The following FGF12 variants were observed in gnomAD, a reference collection of about 807,000 sequenced individuals.
FGF12 encodes the protein fibroblast growth factor 12B.
A neutral mutation model predicts 23.6 loss-of-function variants in FGF12; 14 were observed. The observed-to-expected ratio is 0.59, with a 90% confidence interval of 0.39 to 0.93. The LOEUF is 0.93. FGF12 is among the 40% of genes least tolerant of loss of function. The probability of loss-of-function intolerance (pLI) is 0.00; values close to 1 mark genes in which losing one functional copy is unlikely to be tolerated. For missense variants in FGF12, 175 were observed against 217.8 expected (o/e 0.80, Z 1.24); for synonymous variants, 62 against 77.3 (o/e 0.80, Z 1.04).
intron 4 of FGF12, among the ~76,000 whole-genome samples, chr3:192,302,861 A>G (rs1472076256): frequency 6.6e-6 from 1 of 152,200 alleles, no homozygotes; most frequent in Non-Finnish European, 1.5e-5. Flanking sequence ...ACAGACTATG[A>G]TAAGTAAAGG....
At chr3:192,407,671 G>A (rs913580408) in intron 2 of FGF12, among the ~76,000 whole-genome samples, 3 of 151,466 alleles carry the variant, frequency 2.0e-5, no homozygotes, top group Admixed American at 2.0e-4. Flanking sequence ...ATAGATGCAT[G>A]GATGGATGGA....
intron 4 of FGF12, among the ~76,000 whole-genome samples, chr3:192,235,632 GT>G (rs1719254635): frequency 6.6e-6 from 1 of 152,094 alleles, no homozygotes; most frequent in South Asian, 2.1e-4. Context: ...TCTTCTAGGT[GT>G]TTTAGTTGGT....
intron 4 of FGF12, among the ~76,000 whole-genome samples, chr3:192,322,561 A>T (rs1298056576): frequency 2.6e-5 from 4 of 151,900 alleles, no homozygotes; most frequent in South Asian, 2.1e-4. Context: ...AAAAAAATTA[A>T]AAACTGAGAG....
At chr3:192,323,438 C>G (rs943449658) in intron 4 of FGF12, among the ~76,000 whole-genome samples, 1 of 152,042 alleles carries the variant, frequency 6.6e-6, no homozygotes, top group Admixed American at 6.6e-5. Flanking sequence ...GAAGATGTTA[C>G]GTTAAGTGAA....
intron 2 of FGF12, among the ~76,000 whole-genome samples, chr3:192,661,001 T>A (rs1045281620): frequency 1.1e-4 from 17 of 151,266 alleles, no homozygotes; most frequent in African/African-American, 3.9e-4. Context: ...AAAATAATAA[T>A]TTAATATTAA....
At chr3:192,429,823 GA>G (rs1721807634) in intron 2 of FGF12, among the ~76,000 whole-genome samples, 1 of 151,974 alleles carries the variant, frequency 6.6e-6, no homozygotes, top group Admixed American at 6.6e-5. Flanking sequence ...TATTTTGCTA[GA>G]AAATACTCTC....
chr3:192,717,476 G>C (rs1357774581), intron 2 of FGF12, among the ~76,000 whole-genome samples: 1 of 152,136 alleles, frequency 6.6e-6, no homozygotes, highest in Admixed American at 6.5e-5. Context: ...TCCTTTCAAT[G>C]TTTGACATGA....
At chr3:192,183,133 G>C (rs570663024) in intron 4 of FGF12, among the ~76,000 whole-genome samples, 2 of 152,268 alleles carry the variant, frequency 1.3e-5, no homozygotes, top group South Asian at 4.1e-4. Context: ...CTGAGATATT[G>C]ATGTGAGTAC....
intron 2 of FGF12, among the ~76,000 whole-genome samples, chr3:192,694,651 T>C (rs944095146): frequency 1.3e-5 from 2 of 151,776 alleles, no homozygotes; most frequent in Admixed American, 1.3e-4. Flanking sequence ...TATATATACA[T>C]ATATATGTAC....
chr3:192,539,322 C>T (rs373291121), intron 2 of FGF12, among the ~76,000 whole-genome samples: 1 of 152,000 alleles, frequency 6.6e-6, no homozygotes, highest in African/African-American at 2.4e-5. Flanking sequence ...CTTCTATACC[C>T]AGATTTTTTT....
chr3:192,636,294 TAAATA>T (rs2108660517), intron 2 of FGF12, among the ~76,000 whole-genome samples: 1 of 152,344 alleles, frequency 6.6e-6, no homozygotes, highest in East Asian at 1.9e-4. Context: ...TGTTTGAAAT[TAAATA>T]AAAGTTGAAA....
rs115597953 is a variant in FGF12 at position 192,335,104 on chromosome 3, G to T, written c.228+257C>A. 2.9e-3 allele frequency among the ~76,000 whole-genome samples: 445 copies of T among 152,258 alleles called. 2 individuals carry two copies. Among genetic ancestry groups the T allele is most frequent in the African/African-American group, 1.0e-2 (415 of 41,550 alleles). On this transcript the variant is annotated intron_variant, in intron 4 of 5. Coordinates refer to ENST00000445105, the MANE Select transcript of FGF12 (RefSeq NM_004113.6). ...TAAACAGAAAGGTAAAATTCCAAAA[G>T]GAGAGTATCCTGCAGAAATGGAAGC... is the stretch of plus-strand genomic sequence containing the variant.
intron 2 of FGF12, among the ~76,000 whole-genome samples, chr3:192,720,933 TAC>T (rs759395595): frequency 6.6e-6 from 1 of 152,214 alleles, no homozygotes; most frequent in Admixed American, 6.5e-5. Flanking sequence ...GGCCAGAATT[TAC>T]ACAGTTTATG....
intron 4 of FGF12, among the ~76,000 whole-genome samples, chr3:192,259,842 G>A (rs1052580775): frequency 6.6e-6 from 1 of 151,970 alleles, no homozygotes; most frequent in Non-Finnish European, 1.5e-5. Context: ...AAATAAACGA[G>A]GTGTGAGGTT....
At chr3:192,398,332 G>T (rs995892961) in intron 2 of FGF12, among the ~76,000 whole-genome samples, 1 of 152,046 alleles carries the variant, frequency 6.6e-6, no homozygotes, top group African/African-American at 2.4e-5. Flanking sequence ...TGGGGTGAGG[G>T]GAGCTACAGT....
At chr3:192,531,123 T>C (rs996342556) in intron 2 of FGF12, among the ~76,000 whole-genome samples, 1 of 152,360 alleles carries the variant, frequency 6.6e-6, no homozygotes, top group Middle Eastern at 3.4e-3. Flanking sequence ...TGCAGTTTAA[T>C]GTTTTAAAAC....
At chr3:192,489,742 CAG>C (rs1334583284) in intron 2 of FGF12, among the ~76,000 whole-genome samples, 1 of 151,864 alleles carries the variant, frequency 6.6e-6, no homozygotes, top group African/African-American at 2.4e-5. Flanking sequence ...AAAAGCAAGT[CAG>C]AGTATAAATG....
At chr3:192,560,942 C>G (rs949881196) in intron 2 of FGF12, among the ~76,000 whole-genome samples, 4 of 152,090 alleles carry the variant, frequency 2.6e-5, no homozygotes, top group African/African-American at 9.7e-5. Context: ...AAATATAGTA[C>G]ATGCATACAA....
chr3:192,490,960 T>A (rs1264385870), intron 2 of FGF12, among the ~76,000 whole-genome samples: 1 of 152,154 alleles, frequency 6.6e-6, no homozygotes, highest in Non-Finnish European at 1.5e-5. Context: ...CATAGTCACA[T>A]GGTTGTGTTC....
Sources: allele counts gnomAD v4.1 joint callset (sites outside exome capture counted in the v4.1 genomes callset), GRCh38; gene constraint gnomAD v4.1.1; transcripts MANE v1.5; gene names NCBI Gene and HGNC (gene_info 2026-07-23, HGNC 2026-07-21).